Variants in BLTP1 observed in about 807,000 individuals in gnomAD.
BLTP1 encodes the protein fragile site-associated protein.
chr4:122,337,749 G>A, the BLTP1 span, among the ~76,000 whole-genome samples: 5 of 151,194 alleles, frequency 3.3e-5, no homozygotes, highest in African/African-American at 1.2e-4. Flanking sequence ...TCAAATTTTT[G>A]CTAAGTGTTA....
the BLTP1 span, chr4:122,236,894 T>C: frequency 4.1e-6 from 4 of 985,224 alleles, no homozygotes; most frequent in South Asian, 1.9e-4. Context: ...CATACGTACC[T>C]GAGTTTCTGA....
the BLTP1 span, chr4:122,221,172 TC>T: frequency 6.1e-6 from 2 of 328,766 alleles, no homozygotes; most frequent in Non-Finnish European, 4.4e-6. Context: ...CCAGAAATCA[TC>T]AATGAATGAT....
the BLTP1 span, among the ~76,000 whole-genome samples, chr4:122,233,437 C>T: frequency 1.3e-5 from 2 of 152,182 alleles, no homozygotes; most frequent in Admixed American, 6.5e-5. Flanking sequence ...AATTTGAACT[C>T]AGGTCTAGAG....
the BLTP1 span, among the ~76,000 whole-genome samples, chr4:122,171,396 G>C: frequency 6.6e-6 from 1 of 152,080 alleles, no homozygotes; most frequent in East Asian, 1.9e-4. Context: ...TGGGAGAATG[G>C]TATTTGACTT....
chr4:122,332,821 C>T, the BLTP1 span, among the ~76,000 whole-genome samples: 1 of 122,534 alleles, frequency 8.2e-6, no homozygotes, highest in African/African-American at 3.1e-5. Context: ...TGATATTCCC[C>T]TTCCTGTGTC....
chr4:122,322,865 A>C, the BLTP1 span, among the ~76,000 whole-genome samples: 1 of 151,968 alleles, frequency 6.6e-6, no homozygotes, highest in Non-Finnish European at 1.5e-5. Context: ...TCCTAAGGGC[A>C]TTTTTTCTTA....
chr4:122,281,057 A>G, the BLTP1 span, among the ~76,000 whole-genome samples: 1 of 152,184 alleles, frequency 6.6e-6, no homozygotes, highest in Non-Finnish European at 1.5e-5. Flanking sequence ...TGCAACGTGG[A>G]GACAATAGTA....
the BLTP1 span, chr4:122,269,158 C>A: frequency 1.5e-6 from 1 of 665,474 alleles, no homozygotes; most frequent in Non-Finnish European, 1.9e-6. Context: ...ACAAATATAT[C>A]CATTTATATA....
the BLTP1 span, chr4:122,325,513 G>A: frequency 7.1e-6 from 7 of 984,806 alleles, no homozygotes; most frequent in African/African-American, 1.0e-4. Context: ...CATGAAGCAG[G>A]TGTTAGTATT....
the BLTP1 span, chr4:122,257,318 A>G: frequency 6.2e-7 from 1 of 1,614,050 alleles, no homozygotes; most frequent in Non-Finnish European, 8.5e-7. Context: ...AAGGCAGTGG[A>G]TGAAGTTTAT....
the BLTP1 span, among the ~76,000 whole-genome samples, chr4:122,358,113 A>G: frequency 6.6e-6 from 1 of 152,184 alleles, no homozygotes; most frequent in Non-Finnish European, 1.5e-5. Context: ...TACAGCCCCA[A>G]CAGATACCAG....
the BLTP1 span, chr4:122,349,837 G>T: frequency 1.2e-6 from 2 of 1,610,420 alleles, no homozygotes; most frequent in Admixed American, 1.7e-5. This position sits in a 1 kb window ranked among gnomAD's most constrained non-coding sequence, Gnocchi z 4.5. Context: ...ATCTGACAAA[G>T]ATTTTGTTTT....
At chr4:122,229,979 G>A in the BLTP1 span, 3 of 1,613,986 alleles carry the variant, frequency 1.9e-6, no homozygotes, top group African/African-American at 4.0e-5. Context: ...TCAATCGGTT[G>A]GGGAAGGAAT....
chr4:122,169,695 A>G, the BLTP1 span: 1 of 977,524 alleles, frequency 1.0e-6, no homozygotes, highest in Non-Finnish European at 1.2e-6. Flanking sequence ...ATCTATATAC[A>G]TACATATGTA....
chr4:122,192,968 G>A, the BLTP1 span, among the ~76,000 whole-genome samples: 1 of 152,170 alleles, frequency 6.6e-6, no homozygotes, highest in African/African-American at 2.4e-5. Context: ...GTGGTGGCAT[G>A]ATTGGTTCCT....
At chr4:122,306,507 G>T in the BLTP1 span, 1 of 955,986 alleles carries the variant, frequency 1.0e-6, no homozygotes, top group Non-Finnish European at 1.2e-6. Flanking sequence ...TGGTTCTGAG[G>T]AATTCTCTAC....
chr4:122,210,759 G>A, the BLTP1 span: 1 of 1,185,932 alleles, frequency 8.4e-7, no homozygotes, highest in South Asian at 1.7e-5. Flanking sequence ...TATACATTAT[G>A]TAAAGATTAG....
At chr4:122,340,294 TGA>T in the BLTP1 span, among the ~76,000 whole-genome samples, 1 of 152,090 alleles carries the variant, frequency 6.6e-6, no homozygotes, top group African/African-American at 2.4e-5. Flanking sequence ...ATGGCAAGGC[TGA>T]GAAGGTTTGC....
chr4:122,174,862 A>G, the BLTP1 span: 1 of 256,598 alleles, frequency 3.9e-6, no homozygotes, highest in African/African-American at 2.3e-5. Context: ...ATAGCTGTTT[A>G]TAGAAATGAA....
Sources: gnomAD v4.1 joint callset for allele counts (sites outside exome capture counted in the v4.1 genomes callset) on GRCh38, gnomAD v4.1.1 for gene constraint, Gnocchi (gnomAD v3.1) non-coding constraint, MANE v1.5 for transcripts, NCBI Gene and HGNC (gene_info 2026-07-23, HGNC 2026-07-21) for gene names.